Variants in MYO3A observed in about 807,000 individuals in gnomAD.
The protein encoded by MYO3A is myosin-IIIa.
In MYO3A, 180 loss-of-function variants were observed where a neutral mutation model predicts 192.7. The observed-to-expected ratio is 0.93, with a 90% CI of 0.83 to 1.06. The LOEUF is 1.06. Among genes scored for constraint, MYO3A ranks in the 50% least tolerant of loss-of-function variants. The pLI, the probability that MYO3A is intolerant of heterozygous loss-of-function variation, is 0.00. For missense variants in MYO3A, 1,896 were observed against 1,905.0 expected (o/e 1.00, Z 0.09); for synonymous variants, 628 against 645.3 (o/e 0.97, Z 0.41).
rs572074437 is a variant in MYO3A, at chr10:25,976,641, G to T, written c.304-19849G>T. The stretch of plus-strand genomic sequence containing the variant: ...TTTGTAATGTTTGACTACAGCTAGG[G>T]TAGAGAATTCATTTTCAGTGCTGCT... On this transcript the variant is annotated intron_variant, in intron 4 of 34. Coordinates refer to ENST00000642920, the MANE Select transcript of MYO3A (RefSeq NM_017433.5). Among the ~76,000 whole-genome samples, 43 of 152,234 alleles carry T rather than the reference G, an allele frequency of 2.8e-4. No homozygotes were observed. In the South Asian group the frequency reaches 4.8e-3, roughly 17 times the overall value.
intron 7 of MYO3A, among the ~76,000 whole-genome samples, chr10:26,018,962 C>T (rs1430559690): frequency 6.6e-6 from 1 of 152,132 alleles, no homozygotes; most frequent in Non-Finnish European, 1.5e-5. Flanking sequence ...CGTATGAATG[C>T]ATTTTTGAAT....
At chr10:26,169,325 T>C (rs1477640204) in intron 28 of MYO3A, among the ~76,000 whole-genome samples, 1 of 152,214 alleles carries the variant, frequency 6.6e-6, no homozygotes, top group Non-Finnish European at 1.5e-5. Flanking sequence ...CATACTTTAC[T>C]TCACATACTT....
At chr10:26,099,443 C>G (rs1372992148) in intron 17 of MYO3A, among the ~76,000 whole-genome samples, 6 of 152,168 alleles carry the variant, frequency 3.9e-5, no homozygotes, top group Non-Finnish European at 5.9e-5. Context: ...ACTTCCAACA[C>G]TATGTTGAAT....
rs1840538524 is a variant in MYO3A, at chr10:26,147,442, G to A, written c.2518G>A (p.Ala840Thr). ...HHYAGKVLYN[A>T]SGFLAKNRDT... ...ACTGTATCAACAGGTCCTCTATAAT[G>A]CAAGTGGATTCTTAGCCAAAAACAG... is the stretch of plus-strand genomic sequence containing the variant. The change falls in exon 23 of 35, where the codon GCA becomes ACA. Residue 840 changes from alanine (A) to threonine (T), a missense_variant. Transcript: ENST00000642920. 1 of 1,613,396 alleles carries A rather than the reference G, an allele frequency of 6.2e-7. No individual in the cohort carries two copies. Among genetic ancestry groups the A allele is most frequent in the Non-Finnish European group, 8.5e-7 (1 of 1,179,408 alleles).
chr10:26,044,506 T>G (rs181059918), intron 10 of MYO3A, among the ~76,000 whole-genome samples: 3 of 152,198 alleles, frequency 2.0e-5, no homozygotes, highest in African/African-American at 7.2e-5. Context: ...TACTCCTTCT[T>G]TGGGTGAGTG....
At chr10:25,986,405 G>T (rs1839657044) in intron 4 of MYO3A, among the ~76,000 whole-genome samples, 1 of 152,136 alleles carries the variant, frequency 6.6e-6, no homozygotes, top group Admixed American at 6.5e-5. Flanking sequence ...CAGTAAAGAA[G>T]AAGTCAAACT....
chr10:25,942,701 G>A (rs1836575732), intron 2 of MYO3A, among the ~76,000 whole-genome samples: 1 of 151,724 alleles, frequency 6.6e-6, no homozygotes, highest in South Asian at 2.1e-4. Context: ...TTATTAGGAT[G>A]TTGTACATCA....
chr10:25,968,575 A>G (rs924749103), intron 4 of MYO3A, among the ~76,000 whole-genome samples: 1 of 152,236 alleles, frequency 6.6e-6, no homozygotes, highest in East Asian at 1.9e-4. Context: ...TTATAACTCT[A>G]TATTGTGAAG....
chr10:26,023,670 A>G (rs2131097836), intron 8 of MYO3A, among the ~76,000 whole-genome samples: 1 of 152,258 alleles, frequency 6.6e-6, no homozygotes, highest in South Asian at 2.1e-4. Flanking sequence ...CAGAGACTTC[A>G]TTGGGACTCA....
At chr10:26,194,591 C>G (rs1206664258) in intron 32 of MYO3A, among the ~76,000 whole-genome samples, 1 of 152,200 alleles carries the variant, frequency 6.6e-6, no homozygotes. Context: ...AAGTTTCCCA[C>G]CTCGCAGGCA....
intron 4 of MYO3A, among the ~76,000 whole-genome samples, chr10:25,960,948 CA>C (rs773456528): frequency 1.2e-4 from 19 of 152,120 alleles, no homozygotes; most frequent in Non-Finnish European, 2.5e-4. Flanking sequence ...AACTTTTACT[CA>C]TCTAAGCTTA....
At chr10:25,948,310 C>A (rs909125255) in intron 2 of MYO3A, among the ~76,000 whole-genome samples, 1 of 151,948 alleles carries the variant, frequency 6.6e-6, no homozygotes, top group Non-Finnish European at 1.5e-5. Flanking sequence ...CCTGAAGATA[C>A]GTTTTTCATT....
chr10:25,997,216 ATT>A lies in MYO3A; in HGVS notation c.467_468del (p.Ile156ThrfsTer39), dbSNP rs776051741. 7.4e-6 allele frequency: 12 copies of A among 1,613,658 alleles called. No homozygotes were observed. The highest frequency in any genetic ancestry group is 3.3e-4 in the Middle Eastern group (2 of 6,054). On this transcript the variant is annotated frameshift_variant, in exon 6 of 35. Transcript: ENST00000642920. LOFTEE classifies it high-confidence loss of function. ...TIHRDVKGNN[I>X]LLTTEGGVKL... The stretch of plus-strand genomic sequence containing the variant: ...CCACAGAGATGTGAAAGGCAATAAC[ATT>A]CTATTGACCACGGAAGGTGGAGTGA...
chr10:26,078,129 A>ATTTTTTTTTTTTTT (rs1835707170), intron 14 of MYO3A, among the ~76,000 whole-genome samples: 2 of 92,058 alleles, frequency 2.2e-5, no homozygotes, highest in Non-Finnish European at 5.2e-5. Context: ...CTGGTCCTGG[A>ATTTTTTTTTTTTTT]CTTTTTTTTT....
At chr10:26,157,231 TG>T in intron 25 of MYO3A, 78 bp from the exon 26 acceptor site, 1 of 1,258,108 alleles carries the variant, frequency 7.9e-7, no homozygotes, top group Non-Finnish European at 1.2e-6. Flanking sequence ...ATGTTATTCT[TG>T]TAGTAAAAAG....
chr10:25,963,118 A>G (rs775710430), intron 4 of MYO3A, among the ~76,000 whole-genome samples: 1 of 152,210 alleles, frequency 6.6e-6, no homozygotes, highest in African/African-American at 2.4e-5. Context: ...TTGTTCATTC[A>G]TAATAGTGAC....
At chr10:26,131,876 A>C (rs1003106170) in intron 20 of MYO3A, among the ~76,000 whole-genome samples, 3 of 152,226 alleles carry the variant, frequency 2.0e-5, no homozygotes, top group African/African-American at 7.2e-5. Flanking sequence ...CAAGAAGTAT[A>C]GTTGTAATTA....
chr10:25,941,359 T>C (rs1405360272), intron 2 of MYO3A, among the ~76,000 whole-genome samples: 2 of 152,126 alleles, frequency 1.3e-5, no homozygotes, highest in Admixed American at 6.5e-5. Context: ...TTTTGATTTC[T>C]CCTTTCTCTC....
intron 14 of MYO3A, 104 bp from the exon 15 acceptor site, chr10:26,088,097 TTG>T: frequency 3.3e-6 from 3 of 898,374 alleles, no homozygotes; most frequent in Non-Finnish European, 3.3e-6. Flanking sequence ...GAACATGCTT[TTG>T]TATGTTTATA....
Sources: allele counts gnomAD v4.1 joint callset (sites outside exome capture counted in the v4.1 genomes callset), GRCh38; gene constraint gnomAD v4.1.1; transcripts MANE v1.5; gene names NCBI Gene and HGNC (gene_info 2026-07-23, HGNC 2026-07-21).